Variants in WWC1 observed in about 807,000 individuals in gnomAD.
WWC1 encodes protein KIBRA.
A neutral mutation model predicts 138.4 loss-of-function variants in WWC1; 55 were observed. The observed-to-expected ratio is 0.40, with a 90% CI of 0.32 to 0.50. WWC1 has a LOEUF of 0.50. Among genes scored for constraint, WWC1 ranks in the 20% least tolerant of loss-of-function variants. WWC1 has a pLI of 0.72. For synonymous variants in WWC1, 524 were observed against 564.9 expected, an observed-to-expected ratio of 0.93 and a Z score of 1.03; for missense variants, 1,226 against 1,420.4, an observed-to-expected ratio of 0.86 and a Z score of 2.20.
Position 168,333,848 on chromosome 5 carries a change from A to G in WWC1, c.120-37576A>G, listed in dbSNP as rs17070086. ...ACTCCTTCAAGATGAACTCATTACA[A>G]GATTCTTACAGAACTATAGCCTGAT... On this transcript the variant is annotated intron_variant, in intron 1 of 22. Coordinates refer to ENST00000265293, the MANE Select transcript of WWC1 (RefSeq NM_015238.3). Among the ~76,000 whole-genome samples the G allele has an allele frequency of 3.9e-3, 599 of 152,218 alleles. 1 individual carries two copies. Among genetic ancestry groups the G allele is most frequent in the African/African-American group, 0.013 (554 of 41,520 alleles).
chr5:168,348,983 G>C (rs1374042690), intron 1 of WWC1, among the ~76,000 whole-genome samples: 2 of 152,142 alleles, frequency 1.3e-5, no homozygotes, highest in Admixed American at 6.5e-5. Flanking sequence ...CCACAGCTCT[G>C]TGAGGTGGGG....
At chr5:168,310,199 TC>T (rs1770938217) in intron 1 of WWC1, among the ~76,000 whole-genome samples, 2 of 152,152 alleles carry the variant, frequency 1.3e-5, no homozygotes, top group African/African-American at 4.8e-5. Context: ...AGAAGACCTT[TC>T]CCCTGTAATA....
chr5:168,368,917 C>A lies in WWC1; in HGVS notation c.120-2507C>A, dbSNP rs535920615. Among the ~76,000 whole-genome samples the A allele has an allele frequency of 1.3e-4, 20 of 152,292 alleles. No homozygotes were observed. In the South Asian group the frequency reaches 2.7e-3, roughly 21 times the overall value. On this transcript the variant is annotated intron_variant, in intron 1 of 22. Transcript: ENST00000265293. ...GTCGTTTGGAGCAGATGCTCCTGAA[C>A]CAAGTGCATCCTGAGCTGAGGGAAG...
At chr5:168,372,022 C>CGAGAGAGAGAGAGA (rs10602598) in intron 2 of WWC1, among the ~76,000 whole-genome samples, 1 of 145,712 alleles carries the variant, frequency 6.9e-6, no homozygotes, top group African/African-American at 2.6e-5. Context: ...AGTGAATTGG[C>CGAGAGAGAGAGAGA]GAGAGAGAGA....
At chr5:168,411,087 G>A (rs925994595) in intron 8 of WWC1, among the ~76,000 whole-genome samples, 6 of 152,064 alleles carry the variant, frequency 3.9e-5, no homozygotes, top group Middle Eastern at 3.4e-3. Context: ...CACAACGCCC[G>A]GCTAATTTTT....
At position 168,444,479 on chromosome 5, in the gene WWC1, C is replaced by A; in HGVS notation, c.2434-15C>A. On this transcript the variant is annotated splice_polypyrimidine_tract_variant and intron_variant, in intron 16 of 22. Coordinates refer to ENST00000265293, the MANE Select transcript of WWC1 (RefSeq NM_015238.3). The stretch of plus-strand genomic sequence containing the variant: ...TACATTGTACCCAATGACCCAGCAA[C>A]CTTTGTCTCTATAGGACGCTGTGTC... The A allele has an allele frequency of 6.4e-7, 1 of 1,557,564 alleles. No homozygotes were observed. Among genetic ancestry groups the A allele is most frequent in the Non-Finnish European group, 8.7e-7 (1 of 1,149,714 alleles).
chr5:168,442,759 C>T (rs534433587), intron 16 of WWC1, among the ~76,000 whole-genome samples: 1 of 151,442 alleles, frequency 6.6e-6, no homozygotes, highest in African/African-American at 2.4e-5. Context: ...ATTGCTTAAA[C>T]CCGGGAGGCA....
intron 1 of WWC1, among the ~76,000 whole-genome samples, chr5:168,336,571 C>CAA (rs57339649): frequency 0.053 from 3,057 of 57,638 alleles, 169 homozygotes; most frequent in East Asian, 0.22. Context: ...GACTCTGTCT[C>CAA]AAAAAAAAAA....
chr5:168,467,760 C>G (rs532794224), intron 21 of WWC1, 80 bp from the exon 22 acceptor site: 1 of 1,597,666 alleles, frequency 6.3e-7, no homozygotes, highest in East Asian at 2.2e-5. Context: ...CAGTAGCCCC[C>G]TCTGTTGTGA....
intron 3 of WWC1, among the ~76,000 whole-genome samples, chr5:168,390,726 C>T (rs1027096557): frequency 1.3e-5 from 2 of 152,256 alleles, no homozygotes; most frequent in African/African-American, 4.8e-5. Flanking sequence ...GCCACCTGGC[C>T]TTGGCTGCTC....
intron 5 of WWC1, 121 bp downstream of exon 5, chr5:168,399,688 CATTCA>C: frequency 1.0e-6 from 1 of 972,278 alleles, no homozygotes; most frequent in Non-Finnish European, 1.6e-6. Context: ...GCTCTCTCAT[CATTCA>C]ATTCAAGTTC....
At chr5:168,420,906 A>C (rs1294344598) in intron 9 of WWC1, among the ~76,000 whole-genome samples, 1 of 152,046 alleles carries the variant, frequency 6.6e-6, no homozygotes, top group Non-Finnish European at 1.5e-5. Flanking sequence ...TCAAGATGAT[A>C]AGGTCTTTGC....
chr5:168,426,071 A>G (rs1781479690), intron 11 of WWC1, among the ~76,000 whole-genome samples: 1 of 152,190 alleles, frequency 6.6e-6, no homozygotes, highest in Non-Finnish European at 1.5e-5. Context: ...AGAATTATCC[A>G]TGTGTGTACA....
At chr5:168,446,034 C>T (rs1263296997) in intron 17 of WWC1, among the ~76,000 whole-genome samples, 2 of 152,034 alleles carry the variant, frequency 1.3e-5, no homozygotes, top group Non-Finnish European at 2.9e-5. Flanking sequence ...GCAAAGGAGA[C>T]TGGAGAATGA....
chr5:168,411,088 G>A (rs1428110170), intron 8 of WWC1, among the ~76,000 whole-genome samples: 1 of 152,004 alleles, frequency 6.6e-6, no homozygotes, highest in East Asian at 1.9e-4. Flanking sequence ...ACAACGCCCG[G>A]CTAATTTTTT....
At chr5:168,376,695 A>C (rs911658038) in intron 2 of WWC1, among the ~76,000 whole-genome samples, 9 of 152,194 alleles carry the variant, frequency 5.9e-5, no homozygotes, top group African/African-American at 2.2e-4. Flanking sequence ...CACACACAAA[A>C]AAAAAATACC....
At chr5:168,404,537 T>C (rs917176884) in intron 5 of WWC1, among the ~76,000 whole-genome samples, 3 of 152,176 alleles carry the variant, frequency 2.0e-5, no homozygotes, top group Non-Finnish European at 4.4e-5. Flanking sequence ...TCTCCTCTGC[T>C]TGGAGGCGCA....
intron 1 of WWC1, among the ~76,000 whole-genome samples, chr5:168,339,373 G>A (rs1473605461): frequency 2.0e-5 from 3 of 152,154 alleles, no homozygotes; most frequent in Admixed American, 6.5e-5. Context: ...CAGTGGAGGC[G>A]CTGTTGGGGC....
chr5:168,325,673 C>T (rs1414017163), intron 1 of WWC1, among the ~76,000 whole-genome samples: 2 of 152,142 alleles, frequency 1.3e-5, no homozygotes, highest in African/African-American at 2.4e-5. Flanking sequence ...ATATACATAA[C>T]ATAAAATTAA....
Sources: allele counts gnomAD v4.1 joint callset (sites outside exome capture counted in the v4.1 genomes callset), GRCh38; gene constraint gnomAD v4.1.1; transcripts MANE v1.5; gene names NCBI Gene and HGNC (gene_info 2026-07-23, HGNC 2026-07-21).